Variants in CPA3 observed in about 807,000 individuals in gnomAD.
CPA3 encodes mast cell carboxypeptidase A.
CPA3 carries 52 observed loss-of-function variants against 55.8 expected under a neutral mutation model. The ratio of observed to expected loss-of-function variants is 0.93; its 90% CI spans 0.75 to 1.17. The LOEUF is 1.17. CPA3 is among the 50% of genes most tolerant of loss of function. CPA3 has a pLI of 0.00. For synonymous variants in CPA3, 179 were observed against 171.2 expected (o/e 1.05, Z -0.36); for missense variants, 547 against 509.1 (o/e 1.07, Z -0.72).
chr3:148,879,362 C>T (rs1714297987), intron 5 of CPA3, among the ~76,000 whole-genome samples: 1 of 152,132 alleles, frequency 6.6e-6, no homozygotes, highest in Admixed American at 6.5e-5. Flanking sequence ...GTACTATTTC[C>T]CTTCCCCACT....
rs762629045 is a variant in CPA3 at position 148,881,575 on chromosome 3, G to T, written c.630G>T (p.Met210Ile). 13 of 1,612,926 alleles carry T rather than the reference G, an allele frequency of 8.1e-6. No individual in the cohort carries two copies. The highest frequency in any genetic ancestry group is 1.1e-5 in the Non-Finnish European group (13 of 1,179,412). Residue 210 changes from methionine (M) to isoleucine (I), a missense_variant, in exon 7 of 11, where the codon ATG (methionine) becomes ATT (isoleucine). Physicochemically the swap from Met to Ile is conservative, Grantham distance 10. Transcript: ENST00000296046. Reference protein sequence around the residue: ...NKIMTKLLDRMNFYILPVFNV... With the variant: ...NKIMTKLLDRINFYILPVFNV... ...TTATGACCAAACTCTTGGACCGAAT[G>T]AATTTTTACATTCTTCCTGTGTTCA...
chr3:148,866,654 G>A (rs1358322523), intron 2 of CPA3, among the ~76,000 whole-genome samples: 2 of 152,184 alleles, frequency 1.3e-5, no homozygotes, highest in Admixed American at 6.5e-5. Flanking sequence ...CTATAAAATG[G>A]GGATAATAGT....
At chr3:148,882,114 T>C (rs1714388898) in intron 7 of CPA3, among the ~76,000 whole-genome samples, 1 of 152,206 alleles carries the variant, frequency 6.6e-6, no homozygotes, top group African/African-American at 2.4e-5. Context: ...CATCAAATTA[T>C]TTTCTGCAAA....
intron 5 of CPA3, among the ~76,000 whole-genome samples, 196 bp downstream of exon 5, chr3:148,878,944 T>A (rs1714286775): frequency 6.6e-6 from 1 of 152,180 alleles, no homozygotes; most frequent in Admixed American, 6.5e-5. Flanking sequence ...TGGATAAACA[T>A]TTGTCAGAGA....
rs1714083885 is a variant in CPA3 at position 148,872,175 on chromosome 3, C to T, written c.269+3136C>T. Among the ~76,000 whole-genome samples, 2 of 152,016 alleles carry T rather than the reference C, an allele frequency of 1.3e-5. 1 individual carries two copies. The highest frequency in any genetic ancestry group is 4.2e-4 in the South Asian group (2 of 4,818). On this transcript the variant is annotated intron_variant, in intron 3 of 10. Transcript: ENST00000296046. ...TTCTTTTTTTACTTATTTACAAAATCATAAAAGGCCAAGTTCAAAAAACAA... is the reference window on the plus strand; with the variant it reads ...TTCTTTTTTTACTTATTTACAAAATTATAAAAGGCCAAGTTCAAAAAACAA...
intron 10 of CPA3, among the ~76,000 whole-genome samples, chr3:148,887,767 T>G (rs2108038196): frequency 6.6e-6 from 1 of 152,318 alleles, no homozygotes; most frequent in East Asian, 1.9e-4. Context: ...CCCATGAAAC[T>G]TCTCAAAAGC....
At chr3:148,880,335 CTT>C (rs35154297) in intron 6 of CPA3, among the ~76,000 whole-genome samples, 62 of 136,198 alleles carry the variant, frequency 4.6e-4, no homozygotes, top group Middle Eastern at 3.8e-3. Flanking sequence ...TCACTTTTTT[CTT>C]TTTTTTTTTT....
At chr3:148,879,937 C>T (rs1425346082) in intron 6 of CPA3, 48 bp downstream of exon 6, 7 of 1,253,794 alleles carry the variant, frequency 5.6e-6, no homozygotes, top group Middle Eastern at 1.9e-4. Flanking sequence ...GCCAAGTCTC[C>T]AGCACTTCAC....
intron 10 of CPA3, among the ~76,000 whole-genome samples, chr3:148,893,268 A>G (rs1714725448): frequency 6.6e-6 from 1 of 151,544 alleles, no homozygotes; most frequent in Non-Finnish European, 1.5e-5. Context: ...TCAACAAACA[A>G]TTACAGATGG....
intron 10 of CPA3, among the ~76,000 whole-genome samples, chr3:148,890,993 T>C (rs1332899565): frequency 6.6e-6 from 1 of 152,152 alleles, no homozygotes; most frequent in Non-Finnish European, 1.5e-5. Context: ...GGCTAGTATA[T>C]AGAGTGGCAC....
chr3:148,896,658 T>A lies in CPA3; in HGVS notation c.1205T>A (p.Met402Lys), dbSNP rs777998209. 2 of 1,566,856 alleles carry A rather than the reference T, an allele frequency of 1.3e-6. No homozygotes were observed. The highest frequency in any genetic ancestry group is 2.3e-5 in the East Asian group (1 of 44,126). ...SRIKPTCRET[M>K]LAVKFIAKYI... is the part of the protein sequence containing the mutation. ...ATAAAGCCAACGTGCAGAGAGACCA[T>A]GCTAGCTGTCAAATTTATTGCCAAG... The change falls in exon 11 of 11, where the codon ATG (methionine) becomes AAG (lysine). Residue 402 changes from methionine (M) to lysine (K), a missense_variant. Coordinates refer to ENST00000296046, the MANE Select transcript of CPA3 (RefSeq NM_001870.4).
chr3:148,867,609 A>G (rs1713940307), intron 2 of CPA3, among the ~76,000 whole-genome samples: 1 of 152,246 alleles, frequency 6.6e-6, no homozygotes, highest in African/African-American at 2.4e-5. Flanking sequence ...TTTGCATCAC[A>G]CTACATCTCT....
Position 148,883,691 on chromosome 3 carries a change from T to C in CPA3, c.857T>C (p.Val286Ala). 3 of 1,614,084 alleles carry C rather than the reference T, an allele frequency of 1.9e-6. No homozygotes were observed. Among genetic ancestry groups the C allele is most frequent in the Non-Finnish European group, 2.5e-6 (3 of 1,179,976 alleles). The change falls in exon 9 of 11, where the codon GTC (valine) becomes GCC (alanine). Residue 286 changes from valine to alanine, a missense_variant. Transcript: ENST00000296046. Reference sequence around the variant, plus strand: ...GAGTCCGAGAAAGAGACGAAAGCTGTCACTAATTTCATTAGAAGCCACCTG... The same window carrying C: ...GAGTCCGAGAAAGAGACGAAAGCTGCCACTAATTTCATTAGAAGCCACCTG... ...APESEKETKA[V>A]TNFIRSHLNE...
intron 3 of CPA3, among the ~76,000 whole-genome samples, chr3:148,876,365 ATGATTC>A (rs1294688248): frequency 6.6e-6 from 1 of 151,818 alleles, no homozygotes; most frequent in Non-Finnish European, 1.5e-5. Context: ...AATTCCTAAA[ATGATTC>A]TGATAAGACA....
chr3:148,881,783 T>C (rs1205686924), intron 7 of CPA3, 151 bp downstream of exon 7: 2 of 468,618 alleles, frequency 4.3e-6, no homozygotes, highest in Non-Finnish European at 7.3e-6. Context: ...TTAAGTATGA[T>C]TTCTTGGTTG....
Position 148,896,547 on chromosome 3 carries a change from G to A in CPA3, c.1094G>A (p.Trp365Ter), listed in dbSNP as rs1465088710. Residue 365 changes from tryptophan (W) to a stop codon, truncating the protein, a stop_gained, in exon 11 of 11, where the codon TGG (tryptophan) becomes TAG (stop). Coordinates refer to ENST00000296046, the MANE Select transcript of CPA3 (RefSeq NM_001870.4). LOFTEE classifies it high-confidence loss of function. The part of the protein sequence containing the change: ...IYPISGSSLD[W>*]AYDLGIKHTF... ...CCGATATCAGGTTCTTCTTTAGACTGGGCTTATGACCTGGGCATCAAACAC... is the reference window on the plus strand; with the variant it reads ...CCGATATCAGGTTCTTCTTTAGACTAGGCTTATGACCTGGGCATCAAACAC... 6.5e-7 allele frequency: 1 copy of A among 1,536,104 alleles called. No individual in the cohort carries two copies. Among genetic ancestry groups the A allele is most frequent in the Non-Finnish European group, 8.9e-7 (1 of 1,123,308 alleles).
At chr3:148,875,457 G>C (rs1035486088) in intron 3 of CPA3, among the ~76,000 whole-genome samples, 5 of 151,904 alleles carry the variant, frequency 3.3e-5, no homozygotes, top group African/African-American at 7.3e-5. Flanking sequence ...TTTACCTTTG[G>C]GTAAAGAATT....
chr3:148,894,925 T>C (rs979749644), intron 10 of CPA3, among the ~76,000 whole-genome samples: 1 of 152,206 alleles, frequency 6.6e-6, no homozygotes, highest in Non-Finnish European at 1.5e-5. Context: ...CCCAATGCTC[T>C]CTGAGTTCCC....
chr3:148,887,878 T>C (rs1425526150), intron 10 of CPA3, among the ~76,000 whole-genome samples: 3 of 152,220 alleles, frequency 2.0e-5, no homozygotes, highest in African/African-American at 4.8e-5. Context: ...TGCTCAATGA[T>C]AATGGTGTCC....
Sources: gnomAD v4.1 joint callset for allele counts (sites outside exome capture counted in the v4.1 genomes callset) on GRCh38, gnomAD v4.1.1 for gene constraint, MANE v1.5 for transcripts, NCBI Gene and HGNC (gene_info 2026-07-23, HGNC 2026-07-21) for gene names.